Variants in PPARGC1A observed in about 807,000 individuals in gnomAD.
PPARGC1A encodes the protein PPARG coactivator 1 alpha, also known as peroxisome proliferator-activated receptor gamma coactivator 1-alpha.
PPARGC1A carries 25 observed loss-of-function variants against 88.7 expected under a neutral mutation model. That is an observed-to-expected ratio of 0.28 (90% confidence interval 0.21 to 0.39). PPARGC1A has a LOEUF of 0.39. PPARGC1A is among the 10% of genes least tolerant of loss of function. The pLI, the probability that PPARGC1A is intolerant of heterozygous loss-of-function variation, is 1.00. For missense variants in PPARGC1A, 880 were observed against 968.7 expected (o/e 0.91, Z 1.22); for synonymous variants, 363 against 355.6 (o/e 1.02, Z -0.24).
chr4:24,404,145 C>A, the PPARGC1A span, among the ~76,000 whole-genome samples: 1 of 152,008 alleles, frequency 6.6e-6, no homozygotes, highest in Non-Finnish European at 1.5e-5. Flanking sequence ...CACCTGTAAT[C>A]CCAGCTACTC....
At chr4:24,194,624 GCGCGCGCACACACACA>G in the PPARGC1A span, among the ~76,000 whole-genome samples, 1 of 54,806 alleles carries the variant, frequency 1.8e-5, no homozygotes, top group African/African-American at 6.1e-5. Context: ...GCGCGCGCAC[GCGCGCGCACACACACA>G]CACACACACA....
chr4:24,072,965 G>A, the PPARGC1A span, among the ~76,000 whole-genome samples: 1 of 152,126 alleles, frequency 6.6e-6, no homozygotes, highest in Non-Finnish European at 1.5e-5. Context: ...ACACAGAAAA[G>A]AGAAACTTGA....
chr4:24,307,588 G>C, the PPARGC1A span, among the ~76,000 whole-genome samples: 1 of 152,178 alleles, frequency 6.6e-6, no homozygotes, highest in Admixed American at 6.5e-5. Flanking sequence ...AATTAGGAGA[G>C]TTAAGAGTCC....
intron 2 of PPARGC1A, among the ~76,000 whole-genome samples, chr4:23,878,434 A>G (rs1314495166): frequency 1.3e-5 from 2 of 151,778 alleles, no homozygotes; most frequent in African/African-American, 2.4e-5. Context: ...AGTTAGTGCC[A>G]GTGAAAGATG....
Position 23,831,564 on chromosome 4 carries a change from G to A in PPARGC1A, c.422C>T (p.Pro141Leu), listed in dbSNP as rs377698107. 5 of 1,613,656 alleles carry A rather than the reference G, an allele frequency of 3.1e-6. No individual in the cohort carries two copies. The highest frequency in any genetic ancestry group is 4.2e-6 in the Non-Finnish European group (5 of 1,179,716). The change falls in exon 3 of 13, where the codon CCG (proline) becomes CTG (leucine). Residue 141 changes from proline (P) to leucine (L), a missense_variant. Transcript: ENST00000264867. ...GTPPPQEAEE[P>L]SLLKKLLLAP... ...AGTAGGAAGGGTTCTTACTAGAGACGGCTCTTCTGCCTCCTGGGGTGGAGG... is the reference window on the plus strand; with the variant it reads ...AGTAGGAAGGGTTCTTACTAGAGACAGCTCTTCTGCCTCCTGGGGTGGAGG...
At chr4:23,983,313 T>C in the PPARGC1A span, among the ~76,000 whole-genome samples, 5 of 152,308 alleles carry the variant, frequency 3.3e-5, no homozygotes, top group Admixed American at 3.3e-4. Context: ...ATTGCTTCTA[T>C]GAGAACACTA....
At chr4:23,807,438 TAATGTG>T (rs1720017280) in intron 10 of PPARGC1A, among the ~76,000 whole-genome samples, 2 of 152,178 alleles carry the variant, frequency 1.3e-5, no homozygotes, top group African/African-American at 4.8e-5. Flanking sequence ...TAAGTCTGGT[TAATGTG>T]AATAAGTCCA....
At chr4:23,880,496 C>G (rs1715705919) in intron 2 of PPARGC1A, among the ~76,000 whole-genome samples, 1 of 152,182 alleles carries the variant, frequency 6.6e-6, no homozygotes, top group Non-Finnish European at 1.5e-5. Context: ...CCCTACTCCT[C>G]AAATGCTCAT....
the PPARGC1A span, among the ~76,000 whole-genome samples, chr4:24,003,772 A>C: frequency 6.6e-6 from 1 of 151,914 alleles, no homozygotes; most frequent in African/African-American, 2.4e-5. Context: ...TGATAGCAAC[A>C]GGAAGTGAAT....
the PPARGC1A span, among the ~76,000 whole-genome samples, chr4:23,932,304 C>CGCTTAGTTCCTT: frequency 1.4e-4 from 21 of 152,058 alleles, no homozygotes; most frequent in African/African-American, 4.8e-4. Flanking sequence ...CTTAGTTCCT[C>CGCTTAGTTCCTT]GCTTGGCTGG....
chr4:24,288,872 C>T, the PPARGC1A span, among the ~76,000 whole-genome samples: 1 of 152,084 alleles, frequency 6.6e-6, no homozygotes. Flanking sequence ...TTTTAGTTAC[C>T]AATGCTTTTT....
At chr4:23,838,112 T>G (rs1726374987) in intron 2 of PPARGC1A, among the ~76,000 whole-genome samples, 1 of 152,198 alleles carries the variant, frequency 6.6e-6, no homozygotes, top group South Asian at 2.1e-4. Flanking sequence ...AGACACCACT[T>G]CACTGCATGT....
chr4:24,255,204 C>T, the PPARGC1A span, among the ~76,000 whole-genome samples: 1 of 152,126 alleles, frequency 6.6e-6, no homozygotes, highest in Non-Finnish European at 1.5e-5. Context: ...TGTTCATTTG[C>T]TTAATAAGGA....
chr4:24,471,421 T>C, the PPARGC1A span, among the ~76,000 whole-genome samples: 3 of 152,128 alleles, frequency 2.0e-5, no homozygotes, highest in Admixed American at 2.0e-4. This position sits in a 1 kb window ranked among gnomAD's most constrained non-coding sequence, Gnocchi z 5.4. Flanking sequence ...CCCGCGTAGT[T>C]TGGAGATGAC....
intron 7 of PPARGC1A, among the ~76,000 whole-genome samples, chr4:23,817,157 T>G (rs192350978): frequency 2.0e-5 from 3 of 152,162 alleles, no homozygotes; most frequent in Non-Finnish European, 4.4e-5. Flanking sequence ...TAGGCCACTA[T>G]TAAAGAGCGA....
At chr4:24,168,607 G>C in the PPARGC1A span, among the ~76,000 whole-genome samples, 1 of 151,052 alleles carries the variant, frequency 6.6e-6, no homozygotes, top group Non-Finnish European at 1.5e-5. Flanking sequence ...AGGTGAGGAA[G>C]AGCTCACACA....
At chr4:23,994,042 T>C in the PPARGC1A span, among the ~76,000 whole-genome samples, 1 of 152,152 alleles carries the variant, frequency 6.6e-6, no homozygotes, top group South Asian at 2.1e-4. Context: ...TTCTAGGTAA[T>C]GTGAATTGGA....
At chr4:24,387,338 G>A in the PPARGC1A span, among the ~76,000 whole-genome samples, 9 of 152,120 alleles carry the variant, frequency 5.9e-5, no homozygotes, top group Admixed American at 5.9e-4. Context: ...CATGGGCAAA[G>A]ACTTCATGAC....
chr4:23,910,325 T>TTATATATTATATATATTATATATTA, the PPARGC1A span, among the ~76,000 whole-genome samples: 7 of 45,226 alleles, frequency 1.5e-4, no homozygotes, highest in African/African-American at 3.2e-4. Flanking sequence ...ATTATATATA[T>TTATATATTATATATATTATATATTA]TATATATTAT....
Sources: gnomAD v4.1 joint callset for allele counts (sites outside exome capture counted in the v4.1 genomes callset) on GRCh38, gnomAD v4.1.1 for gene constraint, Gnocchi (gnomAD v3.1) non-coding constraint, MANE v1.5 for transcripts, NCBI Gene and HGNC (gene_info 2026-07-23, HGNC 2026-07-21) for gene names.